The following DLG2 variants were observed in gnomAD, a reference collection of about 807,000 sequenced individuals.
DLG2 encodes the protein disks large homolog 2.
Under a neutral mutation model 132.5 loss-of-function variants are expected in DLG2, and 45 were observed. The observed-to-expected ratio is 0.34, with a 90% CI of 0.27 to 0.44. The LOEUF (loss-of-function observed/expected upper bound fraction) is 0.44. Among genes scored for constraint, DLG2 ranks in the 20% least tolerant of loss-of-function variants. DLG2 has a pLI of 1.00. For synonymous variants in DLG2, 424 were observed against 419.6 expected (o/e 1.01, Z -0.13); for missense variants, 1,045 against 1,196.9 (o/e 0.87, Z 1.87).
At chr11:85,379,055 G>A (rs182889700) in intron 3 of DLG2, among the ~76,000 whole-genome samples, 2 of 152,258 alleles carry the variant, frequency 1.3e-5, no homozygotes, top group African/African-American at 4.8e-5. Context: ...TTCAATATTT[G>A]TGAGCAAATC....
chr11:84,853,261 A>G (rs1018760345), intron 6 of DLG2, among the ~76,000 whole-genome samples: 29 of 151,974 alleles, frequency 1.9e-4, no homozygotes, highest in African/African-American at 7.0e-4. Flanking sequence ...CACTATTGCC[A>G]TTTTGAAAGG....
chr11:84,669,322 A>G (rs1353277999), intron 6 of DLG2, among the ~76,000 whole-genome samples: 1 of 152,162 alleles, frequency 6.6e-6, no homozygotes. Context: ...GGAAGTGTCC[A>G]GATACTAAGG....
At chr11:84,551,747 T>C (rs988479524) in intron 6 of DLG2, among the ~76,000 whole-genome samples, 1 of 152,202 alleles carries the variant, frequency 6.6e-6, no homozygotes, top group Admixed American at 6.5e-5. Flanking sequence ...ACTCAGATGT[T>C]TCTTCTGAGT....
At chr11:85,591,604 G>C (rs760565174) in intron 3 of DLG2, among the ~76,000 whole-genome samples, 2 of 152,152 alleles carry the variant, frequency 1.3e-5, no homozygotes, top group Non-Finnish European at 2.9e-5. Context: ...TTAGCTGGGC[G>C]TGGTGGCACA....
intron 7 of DLG2, among the ~76,000 whole-genome samples, chr11:84,502,247 C>CTTCTTTCTTTCT (rs2099214168): frequency 2.8e-5 from 1 of 35,198 alleles, no homozygotes; most frequent in South Asian, 1.5e-3. Flanking sequence ...TCCTTCCTTC[C>CTTCTTTCTTTCT]TTCCTTCCTT....
chr11:84,848,656 T>C (rs1401630601), intron 6 of DLG2, among the ~76,000 whole-genome samples: 1 of 152,194 alleles, frequency 6.6e-6, no homozygotes, highest in African/African-American at 2.4e-5. Flanking sequence ...CATAGTTCTA[T>C]AGATCCATCT....
At chr11:84,845,154 G>C (rs2081297236) in intron 6 of DLG2, among the ~76,000 whole-genome samples, 1 of 152,070 alleles carries the variant, frequency 6.6e-6, no homozygotes, top group South Asian at 2.1e-4. Context: ...GGAGACAAGG[G>C]TTGGTTTAGT....
At chr11:83,743,444 T>TA (rs1349866526) in intron 18 of DLG2, among the ~76,000 whole-genome samples, 1 of 144,288 alleles carries the variant, frequency 6.9e-6, no homozygotes, top group Non-Finnish European at 1.5e-5. Context: ...TTTTTTTTTT[T>TA]TTTTTATGAC....
intron 3 of DLG2, among the ~76,000 whole-genome samples, chr11:85,368,991 A>C (rs1015921639): frequency 6.6e-6 from 1 of 152,144 alleles, no homozygotes; most frequent in Non-Finnish European, 1.5e-5. Context: ...CTTTAGCTAA[A>C]CGAAGGAAAA....
chr11:84,872,187 T>C (rs1435489076), intron 6 of DLG2, among the ~76,000 whole-genome samples: 1 of 152,234 alleles, frequency 6.6e-6, no homozygotes, highest in Non-Finnish European at 1.5e-5. Flanking sequence ...AGTAAGGGCA[T>C]GTGTTCAGAT....
intron 7 of DLG2, among the ~76,000 whole-genome samples, chr11:84,441,292 A>G (rs2099016690): frequency 6.6e-6 from 1 of 152,018 alleles, no homozygotes; most frequent in African/African-American, 2.4e-5. Context: ...GACAGTAGGC[A>G]CATACCATCA....
At chr11:84,320,666 T>A (rs1424456148) in intron 7 of DLG2, among the ~76,000 whole-genome samples, 4 of 152,160 alleles carry the variant, frequency 2.6e-5, no homozygotes, top group Non-Finnish European at 5.9e-5. Context: ...ATTTCCAAAA[T>A]ATTTAAACTA....
chr11:83,466,302 T>G (rs930195835), intron 26 of DLG2, among the ~76,000 whole-genome samples: 1 of 152,128 alleles, frequency 6.6e-6, no homozygotes, highest in Non-Finnish European at 1.5e-5. Context: ...CTCAGAAGTA[T>G]GAGACAATTA....
chr11:84,777,960 A>T (rs1178438009), intron 6 of DLG2, among the ~76,000 whole-genome samples: 1 of 152,146 alleles, frequency 6.6e-6, no homozygotes, highest in African/African-American at 2.4e-5. Context: ...TAGTTTAATT[A>T]AGCCCCATTT....
intron 6 of DLG2, among the ~76,000 whole-genome samples, chr11:84,599,594 C>T (rs1248030951): frequency 1.3e-5 from 2 of 152,218 alleles, no homozygotes; most frequent in Middle Eastern, 3.4e-3. Context: ...AATAGGATGC[C>T]TATTTTACAC....
intron 3 of DLG2, among the ~76,000 whole-genome samples, chr11:85,409,590 T>C (rs1044487094): frequency 2.8e-4 from 43 of 151,828 alleles, no homozygotes; most frequent in African/African-American, 8.7e-4. Flanking sequence ...AGCATTTGTA[T>C]TGTAGTCCGG....
At chr11:85,506,803 T>C (rs528551504) in intron 3 of DLG2, among the ~76,000 whole-genome samples, 2 of 152,296 alleles carry the variant, frequency 1.3e-5, no homozygotes, top group East Asian at 3.9e-4. Context: ...ATCTGTCTAA[T>C]GTTGACAGTG....
intron 4 of DLG2, among the ~76,000 whole-genome samples, chr11:85,240,883 C>T (rs2152675748): frequency 6.6e-6 from 1 of 151,600 alleles, no homozygotes; most frequent in Non-Finnish European, 1.5e-5. Flanking sequence ...ACTCTTTTTC[C>T]TATCTTAGTT....
At chr11:84,191,941 C>G (rs932756323) in intron 8 of DLG2, among the ~76,000 whole-genome samples, 9 of 147,680 alleles carry the variant, frequency 6.1e-5, no homozygotes, top group Admixed American at 6.7e-5. Flanking sequence ...CACGGAGTAA[C>G]ATTTTGGAAT....
Sources: gnomAD v4.1 joint callset for allele counts (sites outside exome capture counted in the v4.1 genomes callset) on GRCh38, gnomAD v4.1.1 for gene constraint, MANE v1.5 for transcripts, NCBI Gene and HGNC (gene_info 2026-07-23, HGNC 2026-07-21) for gene names.